Variants in ATP6V0A1 observed in about 807,000 individuals in gnomAD.
ATP6V0A1 encodes ATPase H+ transporting V0 subunit a1.
In ATP6V0A1, 43 loss-of-function variants were observed where a neutral mutation model predicts 105.4. The observed-to-expected ratio is 0.41, with a 90% CI of 0.32 to 0.53. The LOEUF (loss-of-function observed/expected upper bound fraction) is 0.53. Ranked by LOEUF, ATP6V0A1 falls within the 20% of genes least tolerant of loss-of-function variation. ATP6V0A1 has a pLI of 0.30. For synonymous variants in ATP6V0A1, 362 were observed against 372.8 expected (o/e 0.97, Z 0.33); for missense variants, 676 against 1,051.1 (o/e 0.64, Z 4.93).
chr17:42,460,337 C>T (rs2086255480), intron 1 of ATP6V0A1: 1 of 152,240 alleles, frequency 6.6e-6, no homozygotes, highest in Non-Finnish European at 1.5e-5. Flanking sequence ...TTAGTGTAGC[C>T]ATAGCTTTAG....
chr17:42,501,003 T>C, intron 16 of ATP6V0A1, 80 bp downstream of exon 16: 1 of 1,439,982 alleles, frequency 6.9e-7, no homozygotes, highest in East Asian at 2.3e-5. Context: ...CCTAAAAAAT[T>C]TATAACTGCC....
intron 19 of ATP6V0A1, among the ~76,000 whole-genome samples, chr17:42,512,214 G>T (rs1393497946): frequency 1.3e-5 from 2 of 152,190 alleles, no homozygotes; most frequent in Admixed American, 6.5e-5. Flanking sequence ...CTTCTCCTGA[G>T]AACACCTGCA....
chr17:42,486,843 T>C (rs2090160152), intron 9 of ATP6V0A1, among the ~76,000 whole-genome samples: 1 of 152,220 alleles, frequency 6.6e-6, no homozygotes, highest in African/African-American at 2.4e-5. Context: ...GTCGTTGCTC[T>C]TTAATAAGCC....
intron 19 of ATP6V0A1, among the ~76,000 whole-genome samples, chr17:42,512,588 A>G (rs1368430802): frequency 1.3e-5 from 2 of 152,200 alleles, no homozygotes; most frequent in Non-Finnish European, 2.9e-5. Context: ...GAAATAGGCT[A>G]GGTGTCGACA....
Position 42,490,533 on chromosome 17 carries a change from C to T in ATP6V0A1, c.1070C>T (p.Thr357Ile). The stretch of plus-strand genomic sequence containing the variant: ...CCTTCCATTTTGAACAGGATGCAGA[C>T]AAACCAGACTCCCCCAACCTATAAC... Reference protein sequence around the residue: ...TVPSILNRMQTNQTPPTYNKT... With the variant: ...TVPSILNRMQINQTPPTYNKT... The change falls in exon 11 of 22, where the codon ACA becomes ATA. Residue 357 changes from threonine to isoleucine, a missense_variant. Transcript: ENST00000343619. 1 of 1,613,624 alleles carries T rather than the reference C, an allele frequency of 6.2e-7. No individual in the cohort carries two copies. Among genetic ancestry groups the T allele is most frequent in the East Asian group, 2.2e-5 (1 of 44,836 alleles).
chr17:42,517,258 C>T (rs1375864552), intron 21 of ATP6V0A1, among the ~76,000 whole-genome samples: 1 of 151,826 alleles, frequency 6.6e-6, no homozygotes, highest in African/African-American at 2.4e-5. Context: ...GCAACCTGGG[C>T]GACAGACCGA....
At chr17:42,469,392 G>A (rs186677676) in intron 4 of ATP6V0A1, among the ~76,000 whole-genome samples, 126 of 142,262 alleles carry the variant, frequency 8.9e-4, no homozygotes, top group Non-Finnish European at 6.2e-4. Flanking sequence ...GTGCAGTGGT[G>A]CGATCTTGGC....
At chr17:42,470,272 G>C in intron 5 of ATP6V0A1, 54 bp downstream of exon 5, 5 of 1,584,086 alleles carry the variant, frequency 3.2e-6, no homozygotes, top group Non-Finnish European at 4.3e-6. Flanking sequence ...ACTCACACAA[G>C]TGGGCCATAT....
intron 11 of ATP6V0A1, among the ~76,000 whole-genome samples, chr17:42,493,441 T>C (rs536748493): frequency 6.6e-6 from 1 of 152,132 alleles, no homozygotes; most frequent in Admixed American, 6.5e-5. Context: ...TACAAGAGAG[T>C]CAGAGAACAA....
rs958673566 is a variant in ATP6V0A1 at position 42,511,521 on chromosome 17, G to GA, written c.2131-2330dup. 7.8e-4 allele frequency: 111 copies of GA among 142,596 alleles called. No individual in the cohort carries two copies. The Middle Eastern group carries it at 0.011, about 14-fold the overall frequency. The allele number at this position is 142,596 out of a possible 1,614,324, so 8.8% of individuals were successfully genotyped here. ...CCACTGCACTCCTGTCTTGAAAAAA[G>GA]AAAAAAAAAAGGAAGAACCTCGATG... On this transcript the variant is annotated intron_variant, in intron 19 of 21. Transcript: ENST00000343619.
At chr17:42,495,749 A>C in intron 14 of ATP6V0A1, 33 bp downstream of exon 14, 4 of 1,537,308 alleles carry the variant, frequency 2.6e-6, no homozygotes, top group Admixed American at 1.7e-5. Flanking sequence ...TGCTAACCTC[A>C]AATTTTTTAA....
chr17:42,520,954 G>A, intron 21 of ATP6V0A1, 73 bp from the exon 22 acceptor site: 2 of 1,364,896 alleles, frequency 1.5e-6, no homozygotes, highest in Non-Finnish European at 2.0e-6. Flanking sequence ...CATCTTTCCT[G>A]CCCAACTGTG....
At position 42,522,236 on chromosome 17, in the gene ATP6V0A1, G is replaced by A. The variant is rs1294010547; in HGVS notation, c.*1116G>A. The A allele has an allele frequency of 1.3e-5, 2 of 152,472 alleles. No homozygotes were observed. Among genetic ancestry groups the A allele is most frequent in the African/African-American group, 4.8e-5 (2 of 41,456 alleles). The allele number at this position is 152,472 out of a possible 1,614,324, so 9.4% of individuals were successfully genotyped here. On this transcript the variant is annotated 3_prime_UTR_variant, in exon 22 of 22. Transcript: ENST00000343619. ...CCGAACCTTGTAATCGTGTGCTGGC[G>A]TGGCAGCCCTGGCTAAGTTAATCCC...
chr17:42,471,115 T>A (rs1259823493), intron 5 of ATP6V0A1: 2 of 147,056 alleles, frequency 1.4e-5, no homozygotes, highest in African/African-American at 2.5e-5. Context: ...AGAGTGAGAC[T>A]CTATCTCAAA....
At chr17:42,510,141 G>A (rs2092279085) in intron 19 of ATP6V0A1, 1 of 152,206 alleles carries the variant, frequency 6.6e-6, no homozygotes. Flanking sequence ...CCAGGCCAGT[G>A]GTTGTCTGGG....
chr17:42,465,005 T>G (rs923913551), intron 2 of ATP6V0A1, among the ~76,000 whole-genome samples: 15 of 152,072 alleles, frequency 9.9e-5, no homozygotes, highest in Non-Finnish European at 2.1e-4. Flanking sequence ...ATTATTATTA[T>G]TTTTTGAGAC....
Position 42,494,474 on chromosome 17 carries a change from G to A in ATP6V0A1, c.1314+1G>A. ...CCTTTCCCAGAAGAATGAGAATGAG[G>A]TAATGTTTAAGTTACATCTGCATTG... On this transcript the variant is annotated splice_donor_variant, in intron 12 of 21. Coordinates refer to ENST00000343619, the MANE Select transcript of ATP6V0A1 (RefSeq NM_001130021.3). LOFTEE classifies it high-confidence loss of function. The A allele has an allele frequency of 6.2e-7, 1 of 1,609,924 alleles. No individual in the cohort carries two copies. The highest frequency in any genetic ancestry group is 8.5e-7 in the Non-Finnish European group (1 of 1,178,502).
intron 4 of ATP6V0A1, 21 bp downstream of exon 4, chr17:42,468,128 C>G: frequency 6.7e-7 from 1 of 1,500,576 alleles, no homozygotes; most frequent in Non-Finnish European, 9.0e-7. Flanking sequence ...CTGGGAAAAC[C>G]AGAAAAGTTT....
At chr17:42,494,631 G>A (rs2090982970) in intron 12 of ATP6V0A1, 158 bp downstream of exon 12, 3 of 906,820 alleles carry the variant, frequency 3.3e-6, no homozygotes, top group East Asian at 2.7e-5. Flanking sequence ...TGTGCAAGCT[G>A]GAAGTGGTAG....
Sources: gnomAD v4.1 joint callset for allele counts (sites outside exome capture counted in the v4.1 genomes callset) on GRCh38, gnomAD v4.1.1 for gene constraint, MANE v1.5 for transcripts, NCBI Gene and HGNC (gene_info 2026-07-23, HGNC 2026-07-21) for gene names.